The following NXNL2 variants were observed in gnomAD, a reference collection of about 807,000 sequenced individuals.
NXNL2 encodes nucleoredoxin like 2.
A neutral mutation model predicts 11.1 loss-of-function variants in NXNL2; 7 were observed. The ratio of observed to expected loss-of-function variants is 0.63; its 90% CI spans 0.36 to 1.18. NXNL2 has a LOEUF of 1.18. Ranked by LOEUF, NXNL2 falls within the 50% of genes most tolerant of loss-of-function variation. The probability of loss-of-function intolerance (pLI) is 0.02; values close to 1 mark genes in which losing one functional copy is unlikely to be tolerated. For synonymous variants in NXNL2, 109 were observed against 101.8 expected (o/e 1.07, Z -0.42); for missense variants, 233 against 217.7 (o/e 1.07, Z -0.44).
chr9:88,567,695 T>A (rs190944527), intron 1 of NXNL2, among the ~76,000 whole-genome samples: 14 of 152,312 alleles, frequency 9.2e-5, no homozygotes, highest in Non-Finnish European at 2.9e-5. Flanking sequence ...ATAATCTGTC[T>A]TTCTCCCGCT....
At chr9:88,559,414 G>A (rs954440299) in intron 1 of NXNL2, among the ~76,000 whole-genome samples, 4 of 152,200 alleles carry the variant, frequency 2.6e-5, no homozygotes, top group African/African-American at 9.6e-5. Flanking sequence ...GAGACTCAGA[G>A]CTTTGCCCCC....
chr9:88,535,890 C>T (rs1829607278), intron 1 of NXNL2, among the ~76,000 whole-genome samples, 154 bp downstream of exon 1: 1 of 151,952 alleles, frequency 6.6e-6, no homozygotes, highest in South Asian at 2.1e-4. Context: ...AAATCACACT[C>T]AGTCTCAGTT....
chr9:88,548,838 G>A (rs1245943643), downstream of NXNL2, among the ~76,000 whole-genome samples: 4 of 152,168 alleles, frequency 2.6e-5, no homozygotes, highest in African/African-American at 7.2e-5. Context: ...AGGAGGTGGG[G>A]CCTTTGGGAG....
chr9:88,546,540 C>T (rs1014009673), downstream of NXNL2, among the ~76,000 whole-genome samples: 23 of 151,432 alleles, frequency 1.5e-4, no homozygotes, highest in African/African-American at 5.1e-4. Flanking sequence ...CTCAGCCTCC[C>T]GAGTAGCTGG....
chr9:88,549,638 G>A (rs1829899926), downstream of NXNL2, among the ~76,000 whole-genome samples: 1 of 152,138 alleles, frequency 6.6e-6, no homozygotes, highest in Admixed American at 6.5e-5. Flanking sequence ...TACTGTATTA[G>A]GCCATTCTTG....
At chr9:88,581,874 A>G (rs1830411935) in intron 1 of NXNL2, among the ~76,000 whole-genome samples, 1 of 152,176 alleles carries the variant, frequency 6.6e-6, no homozygotes. Context: ...TTTTCTCTAC[A>G]GTTGAGAAGG....
chr9:88,566,215 G>A (rs1830168813), intron 1 of NXNL2, among the ~76,000 whole-genome samples: 1 of 151,680 alleles, frequency 6.6e-6, no homozygotes, highest in African/African-American at 2.4e-5. Context: ...GTCTATTTTT[G>A]CCTTAGTTAT....
chr9:88,542,490 G>A (rs190888770), intron 1 of NXNL2, among the ~76,000 whole-genome samples: 8 of 151,722 alleles, frequency 5.3e-5, no homozygotes, highest in Admixed American at 1.3e-4. Flanking sequence ...GGGTTTCACC[G>A]TGCTGGCCAG....
At chr9:88,583,006 T>G (rs967162464) in intron 1 of NXNL2, among the ~76,000 whole-genome samples, 7 of 151,782 alleles carry the variant, frequency 4.6e-5, no homozygotes, top group African/African-American at 1.2e-4. Context: ...AGTCTAGGAG[T>G]TGGTTGGGCA....
chr9:88,577,303 G>GGGT (rs1830359842), downstream of NXNL2, among the ~76,000 whole-genome samples: 1 of 151,912 alleles, frequency 6.6e-6, no homozygotes, highest in Admixed American at 6.6e-5. Context: ...GACTGGGCGG[G>GGGT]GGGGGCGGCA....
chr9:88,548,339 C>CAA (rs60796870), downstream of NXNL2, among the ~76,000 whole-genome samples: 47 of 31,040 alleles, frequency 1.5e-3, 2 homozygotes, highest in Admixed American at 2.9e-3. Flanking sequence ...GACTTTTTCT[C>CAA]AAAAAAAAAA....
At chr9:88,545,258 A>G (rs527282261), downstream of NXNL2, among the ~76,000 whole-genome samples, 32 of 152,316 alleles carry the variant, frequency 2.1e-4, no homozygotes, top group African/African-American at 7.2e-4. Context: ...GAAGTAAACA[A>G]TCTTTATTAA....
At chr9:88,583,634 G>A (rs887751718) in intron 1 of NXNL2, among the ~76,000 whole-genome samples, 5 of 152,280 alleles carry the variant, frequency 3.3e-5, no homozygotes, top group African/African-American at 9.6e-5. Context: ...TGGTGGTGGT[G>A]GTTTATCATT....
At chr9:88,571,439 G>C (rs1830264117) in intron 2 of NXNL2, among the ~76,000 whole-genome samples, 1 of 152,182 alleles carries the variant, frequency 6.6e-6, no homozygotes. Flanking sequence ...CCACTGTGCA[G>C]GAAGAATGTT....
rs916159045 is a variant in NXNL2 at position 88,535,373 on chromosome 9, C to T, written c.-62C>T. The T allele has an allele frequency of 1.8e-5, 27 of 1,459,866 alleles. No homozygotes were observed. The African/African-American group carries it at 3.4e-4, about 18-fold the overall frequency. 90.4% of individuals were successfully genotyped at this position (1,459,866 alleles called of 1,614,324 possible). A position where few individuals can be genotyped will look rare whatever the true frequency, so the allele number is the denominator to read the frequency against. Reference sequence around the variant, plus strand: ...GGCACCGCGGCGCTCGCCGCCGCCTCCCCGCAGGTGATCATCCTCCTGCAG... The same window carrying T: ...GGCACCGCGGCGCTCGCCGCCGCCTTCCCGCAGGTGATCATCCTCCTGCAG... On this transcript the variant is annotated 5_prime_UTR_variant, in exon 1 of 2. Transcript: ENST00000375854.
chr9:88,551,576 A>G (rs556305580), intron 1 of NXNL2, among the ~76,000 whole-genome samples: 1 of 152,084 alleles, frequency 6.6e-6, no homozygotes, highest in Admixed American at 6.6e-5. Context: ...ATACCTCTCT[A>G]AGGATATTAA....
downstream of NXNL2, among the ~76,000 whole-genome samples, chr9:88,547,617 T>C (rs1829863111): frequency 1.3e-5 from 2 of 152,304 alleles, no homozygotes; most frequent in Non-Finnish European, 2.9e-5. Context: ...TATGCTAATT[T>C]TGATTGAAAA....
At chr9:88,577,075 C>A (rs749113185), downstream of NXNL2, among the ~76,000 whole-genome samples, 3 of 152,058 alleles carry the variant, frequency 2.0e-5, no homozygotes, top group Non-Finnish European at 4.4e-5. Flanking sequence ...CCATGAGGAG[C>A]AGAGAGGAAG....
intron 1 of NXNL2, 39 bp from the exon 2 acceptor site, chr9:88,544,340 T>A: frequency 6.6e-7 from 1 of 1,519,288 alleles, no homozygotes; most frequent in Non-Finnish European, 8.9e-7. Flanking sequence ...GATGTGCATG[T>A]GGGAGTGCTA....
Sources: gnomAD v4.1 joint callset for allele counts (sites outside exome capture counted in the v4.1 genomes callset) on GRCh38, gnomAD v4.1.1 for gene constraint, MANE v1.5 for transcripts, NCBI Gene and HGNC (gene_info 2026-07-23, HGNC 2026-07-21) for gene names.